Variants in PRKACB observed in about 807,000 individuals in gnomAD.
The protein encoded by PRKACB is protein kinase cAMP-activated catalytic subunit beta.
PRKACB carries 16 observed loss-of-function variants against 51.4 expected under a neutral mutation model. The observed-to-expected ratio is 0.31, with a 90% CI of 0.21 to 0.47. PRKACB has a LOEUF of 0.47. Ranked by LOEUF, PRKACB falls within the 20% of genes least tolerant of loss-of-function variation. The pLI is 1.00. For synonymous variants in PRKACB, 147 were observed against 154.4 expected, an observed-to-expected ratio of 0.95 and a Z score of 0.35; for missense variants, 309 against 464.5, an observed-to-expected ratio of 0.67 and a Z score of 3.08.
At chr1:84,131,278 G>A (rs12759624) in intron 1 of PRKACB, among the ~76,000 whole-genome samples, 72,027 of 151,054 alleles carry the variant, frequency 0.48, 17,860 homozygotes, top group Non-Finnish European at 0.56. Flanking sequence ...TGGGAGGCAG[G>A]GGTTGCAATG....
At chr1:84,167,780 C>CT (rs1465803063) in intron 1 of PRKACB, among the ~76,000 whole-genome samples, 2 of 151,412 alleles carry the variant, frequency 1.3e-5, no homozygotes, top group Admixed American at 1.3e-4. Flanking sequence ...TGGGTTTTGA[C>CT]TTTTTTTGGT....
At chr1:84,117,098 G>C (rs1028232359) in intron 1 of PRKACB, among the ~76,000 whole-genome samples, 1 of 151,688 alleles carries the variant, frequency 6.6e-6, no homozygotes, top group African/African-American at 2.4e-5. Flanking sequence ...TGTTGATGTG[G>C]TGCATCCCAT....
intron 8 of PRKACB, among the ~76,000 whole-genome samples, chr1:84,211,637 A>C (rs548059102): frequency 1.2e-4 from 19 of 152,186 alleles, no homozygotes; most frequent in Non-Finnish European, 2.6e-4. Context: ...GAGAATAGAT[A>C]ATTAAAAATA....
chr1:84,083,894 T>C (rs1368264790), intron 1 of PRKACB, among the ~76,000 whole-genome samples: 1 of 152,196 alleles, frequency 6.6e-6, no homozygotes, highest in East Asian at 1.9e-4. Context: ...CTTTATTCAG[T>C]ACACATAATT....
chr1:84,155,094 T>C (rs1655315433), intron 1 of PRKACB, among the ~76,000 whole-genome samples: 1 of 152,078 alleles, frequency 6.6e-6, no homozygotes, highest in African/African-American at 2.4e-5. Flanking sequence ...AGTAAAATCT[T>C]TTACATGTGC....
intron 1 of PRKACB, among the ~76,000 whole-genome samples, chr1:84,150,052 G>A (rs1372345001): frequency 6.6e-6 from 1 of 152,048 alleles, no homozygotes; most frequent in African/African-American, 2.4e-5. Flanking sequence ...ATCCCTTGCA[G>A]TCAGGAGTTC....
intron 1 of PRKACB, among the ~76,000 whole-genome samples, chr1:84,174,861 A>G (rs1476171172): frequency 6.6e-6 from 1 of 151,880 alleles, no homozygotes; most frequent in Non-Finnish European, 1.5e-5. Context: ...TTATTTCTTT[A>G]CCATTTAATT....
chr1:84,164,666 T>C (rs541510612), intron 1 of PRKACB: 913 of 1,398,718 alleles, frequency 6.5e-4, no homozygotes, highest in Non-Finnish European at 8.2e-4. Context: ...GAACATCTTA[T>C]ACATCCTGGT....
chr1:84,078,091 A>ACCG (rs1471098484), upstream of PRKACB: 2 of 405,398 alleles, frequency 4.9e-6, no homozygotes, highest in Non-Finnish European at 8.5e-6. Context: ...TGCTGCTGCC[A>ACCG]CCGCCGTCGC....
Position 84,197,660 on chromosome 1 carries a change from C to T in PRKACB, c.688-69C>T, listed in dbSNP as rs551208673. On this transcript the variant is annotated intron_variant, in intron 6 of 9. Transcript: ENST00000370685. ...TTCAATTTGAATTTTAAACTTTCAA[C>T]GTAGGTGCAATAAATACATTTATTG... is the stretch of plus-strand genomic sequence containing the variant. 45 of 1,001,580 alleles carry T rather than the reference C, an allele frequency of 4.5e-5. No homozygotes were observed. In the South Asian group the frequency reaches 4.8e-4, roughly 11 times the overall value. 62.0% of individuals were successfully genotyped at this position (1,001,580 alleles called of 1,614,324 possible).
chr1:84,146,140 G>GTTTTTTT (rs149821464), intron 1 of PRKACB, among the ~76,000 whole-genome samples: 1 of 145,468 alleles, frequency 6.9e-6, no homozygotes, highest in African/African-American at 2.5e-5. Context: ...ATAAAATGCT[G>GTTTTTTT]TTTTGTTTTT....
chr1:84,140,339 C>A (rs981407874), upstream of PRKACB, among the ~76,000 whole-genome samples: 7 of 152,098 alleles, frequency 4.6e-5, no homozygotes, highest in African/African-American at 1.7e-4. Flanking sequence ...AGATACACAA[C>A]ATAGATAAAT....
intron 1 of PRKACB, among the ~76,000 whole-genome samples, chr1:84,149,236 G>T (rs1238000593): frequency 6.6e-6 from 1 of 151,776 alleles, no homozygotes; most frequent in Non-Finnish European, 1.5e-5. Context: ...TCTATTTTGT[G>T]TATAGACACA....
chr1:84,156,567 C>A (rs1271339513), intron 1 of PRKACB, among the ~76,000 whole-genome samples: 1 of 152,118 alleles, frequency 6.6e-6, no homozygotes, highest in Non-Finnish European at 1.5e-5. Flanking sequence ...TACTTTCAGC[C>A]CATCCCCACA....
At chr1:84,231,320 T>G (rs1386129785) in intron 9 of PRKACB, among the ~76,000 whole-genome samples, 3 of 152,216 alleles carry the variant, frequency 2.0e-5, no homozygotes, top group African/African-American at 7.2e-5. Context: ...GGATTTGGTT[T>G]GCCAGTATTT....
intron 1 of PRKACB, among the ~76,000 whole-genome samples, chr1:84,176,400 C>T (rs947832296): frequency 1.3e-5 from 2 of 151,726 alleles, no homozygotes; most frequent in African/African-American, 4.8e-5. Flanking sequence ...AAATTCAAAG[C>T]AAATGCATGT....
intron 7 of PRKACB, among the ~76,000 whole-genome samples, chr1:84,201,743 AT>A (rs1470354121): frequency 6.6e-6 from 1 of 152,042 alleles, no homozygotes; most frequent in East Asian, 1.9e-4. Context: ...AGAGCAATAG[AT>A]CTGGGTAGAA....
chr1:84,128,430 C>T (rs1651845479), intron 1 of PRKACB, among the ~76,000 whole-genome samples: 1 of 151,930 alleles, frequency 6.6e-6, no homozygotes, highest in Admixed American at 6.6e-5. Flanking sequence ...TATGGCATAC[C>T]CACGATTTTC....
chr1:84,226,060 T>C (rs1674540939), intron 9 of PRKACB, among the ~76,000 whole-genome samples: 1 of 152,332 alleles, frequency 6.6e-6, no homozygotes, highest in South Asian at 2.1e-4. Context: ...ACTGTATATG[T>C]CACTGCTTTA....
Sources: allele counts gnomAD v4.1 joint callset (sites outside exome capture counted in the v4.1 genomes callset), GRCh38; gene constraint gnomAD v4.1.1; transcripts MANE v1.5; gene names NCBI Gene and HGNC (gene_info 2026-07-23, HGNC 2026-07-21).